Variants in WDFY4 observed in about 807,000 individuals in gnomAD.
The protein encoded by WDFY4 is WD repeat- and FYVE domain-containing protein 4.
WDFY4 carries 169 observed loss-of-function variants against 351.9 expected under a neutral mutation model. The observed-to-expected ratio is 0.48, with a 90% confidence interval of 0.42 to 0.55. The LOEUF is 0.55. WDFY4 is among the 20% of genes least tolerant of loss of function. WDFY4 has a pLI of 0.00. For synonymous variants in WDFY4, 1,622 were observed against 1,574.6 expected (o/e 1.03, Z -0.71); for missense variants, 3,803 against 3,935.6 (o/e 0.97, Z 0.90).
intron 24 of WDFY4, among the ~76,000 whole-genome samples, chr10:48,799,760 C>T (rs763188204): frequency 4.6e-5 from 7 of 152,116 alleles, no homozygotes; most frequent in Non-Finnish European, 7.4e-5. Flanking sequence ...GCGACAAGAG[C>T]GAGACTTCGT....
intron 18 of WDFY4, among the ~76,000 whole-genome samples, chr10:48,779,635 T>C (rs772892684): frequency 6.6e-6 from 1 of 152,170 alleles, no homozygotes; most frequent in Admixed American, 6.5e-5. Context: ...CTGTATGACC[T>C]TGGGCAAGTC....
chr10:48,829,249 C>T (rs1779592157), intron 37 of WDFY4, among the ~76,000 whole-genome samples: 1 of 152,204 alleles, frequency 6.6e-6, no homozygotes, highest in South Asian at 2.1e-4. Flanking sequence ...AAAACTGTCA[C>T]TCCCCATCTC....
intron 39 of WDFY4, among the ~76,000 whole-genome samples, chr10:48,862,397 T>A (rs918212709): frequency 3.9e-5 from 6 of 152,170 alleles, no homozygotes; most frequent in African/African-American, 1.4e-4. Flanking sequence ...GAGCCCTGCC[T>A]CCTGTCAGAT....
rs1440445524 is a variant in WDFY4, at chr10:48,733,990, C to A, written c.1642C>A (p.Leu548Met). The A allele has an allele frequency of 1.3e-5, 20 of 1,551,940 alleles. No homozygotes were observed. The highest frequency in any genetic ancestry group is 1.6e-5 in the Non-Finnish European group (18 of 1,147,050). Residue 548 changes from leucine to methionine, a missense_variant, in exon 10 of 62, where the codon CTG (leucine) becomes ATG (methionine). By Grantham distance (15) the Leu-to-Met change is conservative (BLOSUM62 2). Transcript: ENST00000325239. ...AGAAAGAGAACTCACCTGTGTGATGCTGAGGATTGTAGTCACACTTCTGAA... is the reference window on the plus strand; with the variant it reads ...AGAAAGAGAACTCACCTGTGTGATGATGAGGATTGTAGTCACACTTCTGAA... Reference protein sequence around the residue: ...DPERELTCVMLRIVVTLLKGS... With the variant: ...DPERELTCVMMRIVVTLLKGS...
At chr10:48,697,364 C>T (rs2063358090) in intron 1 of WDFY4, among the ~76,000 whole-genome samples, 1 of 152,214 alleles carries the variant, frequency 6.6e-6, no homozygotes, top group African/African-American at 2.4e-5. Flanking sequence ...GTCTTCCTGG[C>T]CCCTGGCCTC....
chr10:48,931,569 A>G (rs1337660784), intron 47 of WDFY4, among the ~76,000 whole-genome samples: 2 of 152,336 alleles, frequency 1.3e-5, no homozygotes, highest in East Asian at 3.9e-4. Flanking sequence ...TGCAACCTCC[A>G]TCCAGAGGTG....
At chr10:48,685,199 C>T (rs1042494235) in intron 1 of WDFY4, among the ~76,000 whole-genome samples, 198 bp downstream of exon 1, 2 of 152,190 alleles carry the variant, frequency 1.3e-5, no homozygotes, top group African/African-American at 4.8e-5. Context: ...GTGGGGGGCC[C>T]ATGTGGTCAG....
chr10:48,933,248 A>T (rs1589937373), intron 47 of WDFY4, among the ~76,000 whole-genome samples: 1 of 152,194 alleles, frequency 6.6e-6, no homozygotes, highest in Non-Finnish European at 1.5e-5. Flanking sequence ...AGCACTTCCC[A>T]TATCTTTTCC....
chr10:48,838,825 G>T (rs1313186760), intron 39 of WDFY4, among the ~76,000 whole-genome samples: 1 of 152,168 alleles, frequency 6.6e-6, no homozygotes, highest in East Asian at 1.9e-4. Flanking sequence ...AATAAAGATT[G>T]CAGAGAGGAA....
chr10:48,710,787 A>T (rs1295369355), intron 2 of WDFY4, among the ~76,000 whole-genome samples: 1 of 152,248 alleles, frequency 6.6e-6, no homozygotes, highest in African/African-American at 2.4e-5. Context: ...TCACAGCTCC[A>T]CGAAGGAAAC....
intron 53 of WDFY4, among the ~76,000 whole-genome samples, chr10:48,963,355 T>C (rs1303619175): frequency 6.6e-6 from 1 of 152,108 alleles, no homozygotes; most frequent in Admixed American, 6.5e-5. Context: ...CAAGGAACAG[T>C]GATGTTAAGG....
At chr10:48,737,771 G>A (rs1302371537) in intron 11 of WDFY4, among the ~76,000 whole-genome samples, 1 of 152,152 alleles carries the variant, frequency 6.6e-6, no homozygotes, top group Non-Finnish European at 1.5e-5. Context: ...GAAGTGAGAG[G>A]GATGGGTGAA....
At chr10:48,861,827 C>A (rs79880261) in intron 39 of WDFY4, among the ~76,000 whole-genome samples, 8,776 of 152,150 alleles carry the variant, frequency 0.058, 865 homozygotes, top group African/African-American at 0.2. Flanking sequence ...TCTGATGACA[C>A]AAAGATTAAA....
chr10:48,778,177 T>C (rs769125869), intron 17 of WDFY4, among the ~76,000 whole-genome samples: 4 of 152,248 alleles, frequency 2.6e-5, no homozygotes, highest in African/African-American at 4.8e-5. Flanking sequence ...ATTGCCTTCA[T>C]GACGTTTTTC....
At chr10:48,735,087 G>A (rs1335456371) in intron 10 of WDFY4, among the ~76,000 whole-genome samples, 1 of 151,736 alleles carries the variant, frequency 6.6e-6, no homozygotes, top group African/African-American at 2.4e-5. Context: ...CACCACGCCT[G>A]GCCAGGAATC....
rs543273892 is a variant in WDFY4 at position 48,897,651 on chromosome 10, A to G, written c.7437+77A>G. ...GGGACAGGTGGTCCAGGAGCCATCC[A>G]GAGACACACCTCTGTGACTCTTCTT... is the stretch of plus-strand genomic sequence containing the variant. On this transcript the variant is annotated intron_variant, in intron 45 of 61. Coordinates refer to ENST00000325239, the MANE Select transcript of WDFY4 (RefSeq NM_001394531.1). The G allele has an allele frequency of 3.2e-5, 48 of 1,509,868 alleles. No individual in the cohort carries two copies. The African/African-American group carries it at 4.1e-4, about 13-fold the overall frequency. 93.5% of individuals were successfully genotyped at this position (1,509,868 alleles called of 1,614,324 possible).
chr10:48,916,392 T>G lies in WDFY4; in HGVS notation c.7586+14529T>G, dbSNP rs1169653392. Among the ~76,000 whole-genome samples the G allele has an allele frequency of 2.0e-5, 3 of 152,200 alleles. No individual in the cohort carries two copies. The East Asian group carries it at 5.8e-4, about 29-fold the overall frequency. On this transcript the variant is annotated intron_variant, in intron 47 of 61. Coordinates refer to ENST00000325239, the MANE Select transcript of WDFY4 (RefSeq NM_001394531.1). ...GTTTTTTGTTTGTTTGTTTGTTTGC[T>G]TGCTTGCTTCTCTCCTGTCTCATCC...
intron 47 of WDFY4, among the ~76,000 whole-genome samples, chr10:48,938,881 G>A (rs1564512532): frequency 6.6e-6 from 1 of 152,182 alleles, no homozygotes; most frequent in African/African-American, 2.4e-5. Flanking sequence ...GGGTGGGAAG[G>A]GAGTGAAAGG....
rs182549930 is a variant in WDFY4 at position 48,734,665 on chromosome 10, T to A, written c.1687+630T>A. Reference sequence around the variant, plus strand: ...TTATTTCATTATGGCAGAGAGAGAGTCTTTAACATTTAGTCTGCAAAAGGT... The same window carrying A: ...TTATTTCATTATGGCAGAGAGAGAGACTTTAACATTTAGTCTGCAAAAGGT... On this transcript the variant is annotated intron_variant, in intron 10 of 61. Coordinates refer to ENST00000325239, the MANE Select transcript of WDFY4 (RefSeq NM_001394531.1). Among the ~76,000 whole-genome samples, 241 of 151,700 alleles carry A rather than the reference T, an allele frequency of 1.6e-3. 1 individual carries two copies. The highest frequency in any genetic ancestry group is 5.7e-3 in the African/African-American group (237 of 41,336).
Sources: gnomAD v4.1 joint callset for allele counts (sites outside exome capture counted in the v4.1 genomes callset) on GRCh38, gnomAD v4.1.1 for gene constraint, MANE v1.5 for transcripts, NCBI Gene and HGNC (gene_info 2026-07-23, HGNC 2026-07-21) for gene names.